Variants in OR51B5 observed in about 807,000 individuals in gnomAD.
OR51B5 encodes the protein olfactory receptor 51B5.
For missense variants in OR51B5, 456 were observed against 374.6 expected (o/e 1.22, Z -1.79); for synonymous variants, 186 against 144.8 (o/e 1.28, Z -2.04).
chr11:5,428,215 C>T (rs943904172), intron 1 of OR51B5, among the ~76,000 whole-genome samples: 2 of 151,836 alleles, frequency 1.3e-5, no homozygotes, highest in Admixed American at 6.6e-5. Flanking sequence ...AAGATATAGG[C>T]GTACCTTGGA....
At chr11:5,352,391 A>G (rs1255086152) in intron 1 of OR51B5, 2 of 1,612,816 alleles carry the variant, frequency 1.2e-6, no homozygotes, top group Non-Finnish European at 1.7e-6. Flanking sequence ...ATTAAAACTA[A>G]GCAGATTCAG....
Position 5,360,248 on chromosome 11 carries a change from G to A in OR51B5, n.85-13338C>T, listed in dbSNP as rs1310853825. On this transcript the variant is annotated intron_variant and non_coding_transcript_variant, in intron 1 of 4. Transcript: ENST00000415970. The stretch of plus-strand genomic sequence containing the variant: ...GAAAATTTTTGCAATCTACTCATCC[G>A]ACAAAGGGCTAATATCCAGAATCTA... 5.9e-5 allele frequency among the ~76,000 whole-genome samples: 9 copies of A among 151,860 alleles called. No individual in the cohort carries two copies. In the South Asian group the frequency reaches 6.3e-4, roughly 11 times the overall value.
chr11:5,357,310 G>T (rs1292439797), intron 1 of OR51B5, among the ~76,000 whole-genome samples: 4 of 151,600 alleles, frequency 2.6e-5, no homozygotes, highest in African/African-American at 9.7e-5. Context: ...AACAAAAAAA[G>T]GCAGGGGTTG....
At chr11:5,364,655 C>G (rs944670958) in intron 1 of OR51B5, among the ~76,000 whole-genome samples, 3 of 145,512 alleles carry the variant, frequency 2.1e-5, no homozygotes, top group African/African-American at 5.0e-5. Flanking sequence ...ATGTGCATCT[C>G]TGAATATCTC....
chr11:5,414,954 C>G (rs1850216033), intron 1 of OR51B5, among the ~76,000 whole-genome samples: 2 of 152,164 alleles, frequency 1.3e-5, no homozygotes, highest in African/African-American at 4.8e-5. Context: ...CTCTCCACCC[C>G]AAATCAACAG....
At chr11:5,401,023 AAAC>A (rs1849960217) in intron 1 of OR51B5, among the ~76,000 whole-genome samples, 1 of 152,150 alleles carries the variant, frequency 6.6e-6, no homozygotes, top group Admixed American at 6.5e-5. Context: ...AATGAGTTGA[AAAC>A]AATCTTCAGA....
At chr11:5,432,011 C>T (rs1850541205) in intron 1 of OR51B5, among the ~76,000 whole-genome samples, 1 of 152,170 alleles carries the variant, frequency 6.6e-6, no homozygotes, top group Non-Finnish European at 1.5e-5. Context: ...GTGCTTATTA[C>T]TTCTATGTGT....
chr11:5,364,329 G>A (rs547157270), intron 1 of OR51B5, among the ~76,000 whole-genome samples: 1 of 152,242 alleles, frequency 6.6e-6, no homozygotes, highest in African/African-American at 2.4e-5. Context: ...TGGAATTTGG[G>A]GTGATATGGA....
intron 1 of OR51B5, chr11:5,489,431 G>C (rs1301811209): frequency 2.5e-6 from 4 of 1,613,846 alleles, no homozygotes; most frequent in Non-Finnish European, 3.4e-6. Flanking sequence ...AAAGCTCTGA[G>C]TACCTGTGGC....
intron 1 of OR51B5, among the ~76,000 whole-genome samples, chr11:5,435,154 G>A (rs1056194306): frequency 6.6e-6 from 1 of 152,180 alleles, no homozygotes; most frequent in Non-Finnish European, 1.5e-5. Flanking sequence ...TGTACCCACT[G>A]AGAGAATGTC....
At chr11:5,422,603 G>T in intron 1 of OR51B5, 2 of 1,614,000 alleles carry the variant, frequency 1.2e-6, no homozygotes, top group Non-Finnish European at 1.7e-6. Flanking sequence ...CCTCCATTAT[G>T]CCTCCATCCT....
At chr11:5,377,244 T>C (rs946783074) in intron 1 of OR51B5, among the ~76,000 whole-genome samples, 2 of 152,140 alleles carry the variant, frequency 1.3e-5, no homozygotes, top group Non-Finnish European at 2.9e-5. Flanking sequence ...GAAAAGGCCT[T>C]TGACAAAATT....
At chr11:5,486,530 T>C (rs958271950) in intron 1 of OR51B5, among the ~76,000 whole-genome samples, 1 of 152,160 alleles carries the variant, frequency 6.6e-6, no homozygotes, top group Non-Finnish European at 1.5e-5. Context: ...CTCTGGAAAC[T>C]TCTTGACTCA....
intron 1 of OR51B5, among the ~76,000 whole-genome samples, chr11:5,448,230 A>T (rs1218778103): frequency 6.6e-6 from 1 of 152,212 alleles, no homozygotes; most frequent in Admixed American, 6.5e-5. Context: ...ACCAGACCAT[A>T]ACTGAACCCT....
At chr11:5,481,856 G>A (rs1590021715) in intron 1 of OR51B5, among the ~76,000 whole-genome samples, 1 of 140,962 alleles carries the variant, frequency 7.1e-6, no homozygotes, top group Non-Finnish European at 1.5e-5. Context: ...AAATAAAAGA[G>A]GATACAAACA....
rs1268409929 is a variant in OR51B5 at position 5,359,482 on chromosome 11, T to G, written n.85-12572A>C. ...AGGAGAACTACAAACCACTGCTGAA[T>G]GAAATAAAAGAAGATACAAACAAAT... On this transcript the variant is annotated intron_variant and non_coding_transcript_variant, in intron 1 of 4. Coordinates refer to the OR51B5 transcript ENST00000415970. 4.7e-5 allele frequency among the ~76,000 whole-genome samples: 6 copies of G among 126,464 alleles called. 1 individual carries two copies. Among genetic ancestry groups the G allele is most frequent in the East Asian group, 2.0e-4 (1 of 5,038 alleles). The allele number at this position is 126,464 out of a possible 152,430, so 83.0% of individuals were successfully genotyped here.
chr11:5,502,170 T>C (rs978034324), intron 1 of OR51B5, among the ~76,000 whole-genome samples: 1 of 152,154 alleles, frequency 6.6e-6, no homozygotes, highest in Non-Finnish European at 1.5e-5. Context: ...GGTCTTCAGA[T>C]TGGCTCTGCT....
exon 1 of OR51B5, chr11:5,342,940 C>G: frequency 6.2e-7 from 1 of 1,613,768 alleles, no homozygotes; most frequent in African/African-American, 1.3e-5. Flanking sequence ...CAGCTGGGTA[C>G]AGTCGGTTGA....
intron 1 of OR51B5, among the ~76,000 whole-genome samples, chr11:5,452,741 G>T (rs1419232626): frequency 6.6e-6 from 1 of 152,126 alleles, no homozygotes; most frequent in Non-Finnish European, 1.5e-5. Context: ...TGGTATGTAA[G>T]TTTGTATTTG....
Sources: gnomAD v4.1 joint callset for allele counts (sites outside exome capture counted in the v4.1 genomes callset) on GRCh38, gnomAD v4.1.1 for gene constraint, MANE v1.5 for transcripts, NCBI Gene and HGNC (gene_info 2026-07-23, HGNC 2026-07-21) for gene names.